DUSP14: variants seen among roughly 807,000 people sequenced by gnomAD.
DUSP14 encodes dual specificity protein phosphatase 14.
Under a neutral mutation model 13.2 loss-of-function variants are expected in DUSP14, and 5 were observed. The observed-to-expected ratio is 0.38, with a 90% CI of 0.20 to 0.80. DUSP14 has a LOEUF of 0.80. Among genes scored for constraint, DUSP14 ranks in the 30% least tolerant of loss-of-function variants. The pLI is 0.44. For synonymous variants in DUSP14, 91 were observed against 103.4 expected (o/e 0.88, Z 0.73); for missense variants, 185 against 264.0 (o/e 0.70, Z 2.07).
At chr17:37,507,055 CG>C (rs2054142914) in intron 1 of DUSP14, among the ~76,000 whole-genome samples, 1 of 152,192 alleles carries the variant, frequency 6.6e-6, no homozygotes, top group Non-Finnish European at 1.5e-5. Flanking sequence ...GCTAGAAATC[CG>C]GACACCTTCC....
chr17:37,496,004 A>C (rs1421230075), intron 1 of DUSP14, among the ~76,000 whole-genome samples: 1 of 152,198 alleles, frequency 6.6e-6, no homozygotes, highest in East Asian at 1.9e-4. Flanking sequence ...ATCTGGAAGT[A>C]CTGTCAACAT....
In DUSP14 at chr17:37,512,642, G is replaced by A. The variant is rs754983102; in HGVS notation, c.370G>A (p.Ala124Thr). Residue 124 changes from alanine (A) to threonine (T), a missense_variant, in exon 3 of 3, where the codon GCG (alanine) becomes ACG (threonine). By Grantham distance (58) the Ala-to-Thr change is moderately conservative (BLOSUM62 0). Transcript: ENST00000617516. This position sits in a 1 kb window ranked among gnomAD's most constrained non-coding sequence, Gnocchi z 4.8. ...GAGCCGCTCAGCCACGCTGTGTATC[G>A]CGTACCTGATGAAATTCCACAACGT... is the stretch of plus-strand genomic sequence containing the variant. ...GVSRSATLCI[A>T]YLMKFHNVCL... The A allele has an allele frequency of 3.1e-6, 5 of 1,613,516 alleles. No homozygotes were observed. Among genetic ancestry groups the A allele is most frequent in the South Asian group, 1.1e-5 (1 of 91,086 alleles).
chr17:37,490,341 C>G (rs1033364253), intron 1 of DUSP14, among the ~76,000 whole-genome samples: 1 of 152,192 alleles, frequency 6.6e-6, no homozygotes, highest in Non-Finnish European at 1.5e-5. Context: ...GGCATCCACC[C>G]GCTCTGGAGC....
At chr17:37,491,925 G>C (rs1003465413) in intron 1 of DUSP14, among the ~76,000 whole-genome samples, 1 of 152,198 alleles carries the variant, frequency 6.6e-6, no homozygotes, top group Non-Finnish European at 1.5e-5. Flanking sequence ...TAACTGCCGA[G>C]TGCATCTTGA....
chr17:37,494,626 G>A (rs2054051569), intron 1 of DUSP14, among the ~76,000 whole-genome samples: 1 of 152,184 alleles, frequency 6.6e-6, no homozygotes, highest in Admixed American at 6.5e-5. Context: ...AGAAAGAGAA[G>A]GAGCAGGAGG....
intron 1 of DUSP14, among the ~76,000 whole-genome samples, chr17:37,502,486 A>C (rs1030127728): frequency 2.0e-5 from 3 of 152,048 alleles, no homozygotes; most frequent in Non-Finnish European, 1.5e-5. Flanking sequence ...CCCTGGCCTA[A>C]AATGACTATT....
intron 1 of DUSP14, among the ~76,000 whole-genome samples, chr17:37,493,672 CTT>C (rs35368460): frequency 2.7e-4 from 37 of 137,226 alleles, no homozygotes; most frequent in Non-Finnish European, 3.0e-4. Context: ...TTTCATCAAT[CTT>C]TTTTTTTTTT....
chr17:37,499,035 G>A (rs796715238), intron 1 of DUSP14, among the ~76,000 whole-genome samples: 9 of 152,318 alleles, frequency 5.9e-5, no homozygotes, highest in African/African-American at 1.7e-4. Flanking sequence ...ACGCTGCTAT[G>A]AAGAACTGCC....
At chr17:37,507,857 T>C (rs1392397579) in intron 1 of DUSP14, among the ~76,000 whole-genome samples, 1 of 152,150 alleles carries the variant, frequency 6.6e-6, no homozygotes, top group African/African-American at 2.4e-5. Context: ...TAATTTTGTG[T>C]TTATTACCAC....
At chr17:37,488,903 A>T (rs2054006495), upstream of DUSP14, among the ~76,000 whole-genome samples, 1 of 152,096 alleles carries the variant, frequency 6.6e-6, no homozygotes, top group Non-Finnish European at 1.5e-5. Context: ...ACTCGTTTTG[A>T]CTGCTCAGCA....
intron 1 of DUSP14, among the ~76,000 whole-genome samples, chr17:37,509,104 C>CATATATATAT (rs1164025226): frequency 2.8e-5 from 1 of 36,040 alleles, no homozygotes; most frequent in African/African-American, 1.9e-4. Flanking sequence ...AAAAAAAACC[C>CATATATATAT]ATATATATAT....
chr17:37,490,081 C>G (rs2054016410), intron 1 of DUSP14, 123 bp downstream of exon 1: 1 of 151,698 alleles, frequency 6.6e-6, no homozygotes, highest in Non-Finnish European at 1.5e-5. Flanking sequence ...CGCGACCCCG[C>G]CTCTGGAAAC....
intron 1 of DUSP14, among the ~76,000 whole-genome samples, chr17:37,498,413 G>C (rs111548795): frequency 7.3e-6 from 1 of 136,386 alleles, no homozygotes; most frequent in African/African-American, 2.8e-5. Flanking sequence ...TGCAAGCTCC[G>C]CCTCCCCGGT....
intron 1 of DUSP14, among the ~76,000 whole-genome samples, chr17:37,506,075 C>T (rs940121335): frequency 6.6e-6 from 1 of 152,022 alleles, no homozygotes; most frequent in African/African-American, 2.4e-5. Context: ...CCAGTCTGAG[C>T]AACATGGCAA....
chr17:37,508,996 A>G (rs1412966488), intron 1 of DUSP14, among the ~76,000 whole-genome samples: 1 of 143,544 alleles, frequency 7.0e-6, no homozygotes, highest in African/African-American at 2.6e-5. Flanking sequence ...AGTGTGGTGT[A>G]TCTACACAGC....
chr17:37,493,272 C>T (rs2054041293), intron 1 of DUSP14, among the ~76,000 whole-genome samples: 1 of 152,030 alleles, frequency 6.6e-6, no homozygotes, highest in Non-Finnish European at 1.5e-5. Context: ...CCAGTTAGTA[C>T]ATTTTTGTCT....
At chr17:37,497,709 A>G (rs2054074882) in intron 1 of DUSP14, among the ~76,000 whole-genome samples, 2 of 151,174 alleles carry the variant, frequency 1.3e-5, no homozygotes, top group African/African-American at 2.4e-5. Context: ...GCAGTAAGCC[A>G]TGATTGTGCC....
At chr17:37,503,631 GAATTC>G (rs2054119352) in intron 1 of DUSP14, among the ~76,000 whole-genome samples, 1 of 152,176 alleles carries the variant, frequency 6.6e-6, no homozygotes, top group African/African-American at 2.4e-5. Context: ...CCAAATACAA[GAATTC>G]AATTCCAGAT....
intron 1 of DUSP14, among the ~76,000 whole-genome samples, chr17:37,493,551 G>A (rs1288287916): frequency 3.9e-5 from 6 of 152,104 alleles, no homozygotes; most frequent in African/African-American, 9.7e-5. Context: ...CCGATCCCTG[G>A]CCTGTCATGT....
Sources: allele counts gnomAD v4.1 joint callset (sites outside exome capture counted in the v4.1 genomes callset), GRCh38; gene constraint gnomAD v4.1.1; non-coding constraint Gnocchi (gnomAD v3.1); transcripts MANE v1.5; gene names NCBI Gene and HGNC (gene_info 2026-07-23, HGNC 2026-07-21).